Variants in LGI4 observed in about 807,000 individuals in gnomAD.
LGI4 encodes leucine-rich repeat LGI family member 4.
Under a neutral mutation model 48.3 loss-of-function variants are expected in LGI4, and 36 were observed. The observed-to-expected ratio is 0.75, with a 90% CI of 0.57 to 0.98. The LOEUF (loss-of-function observed/expected upper bound fraction) is 0.98. LGI4 is among the 50% of genes least tolerant of loss of function. The pLI is 0.00. For synonymous variants in LGI4, 355 were observed against 331.6 expected (o/e 1.07, Z -0.77); for missense variants, 701 against 732.1 (o/e 0.96, Z 0.49).
intron 3 of LGI4, 69 bp downstream of exon 3, chr19:35,133,624 A>T (rs1214133282): frequency 5.9e-6 from 9 of 1,515,900 alleles, no homozygotes; most frequent in Non-Finnish European, 8.0e-6. Context: ...ATCTCCCCCT[A>T]CTCTGGGAGC....
chr19:35,125,551 C>A lies in LGI4; in HGVS notation c.1300-44G>T, dbSNP rs369702270. On this transcript the variant is annotated intron_variant, in intron 8 of 8. Coordinates refer to ENST00000310123, the MANE Select transcript of LGI4 (RefSeq NM_139284.3). ...TGAGGGCCTGGGGTCCCGGGGGTCT[C>A]TGGGGGCCGTGGAACAGCTTGGAAG... 1.6e-5 allele frequency: 24 copies of A among 1,466,806 alleles called. No homozygotes were observed. The African/African-American group carries it at 3.2e-4, about 20-fold the overall frequency. The allele number at this position is 1,466,806 out of a possible 1,614,324, so 90.9% of individuals were successfully genotyped here. A position where few individuals can be genotyped will look rare whatever the true frequency, so the allele number is the denominator to read the frequency against.
chr19:35,124,718 T>C lies in LGI4; in HGVS notation c.*475A>G, dbSNP rs2065117723. The C allele has an allele frequency of 6.5e-6, 1 of 153,022 alleles. No homozygotes were observed. Among genetic ancestry groups the C allele is most frequent in the South Asian group, 2.1e-4 (1 of 4,844 alleles). The allele number at this position is 153,022 out of a possible 1,614,324, so 9.5% of individuals were successfully genotyped here. On this transcript the variant is annotated 3_prime_UTR_variant, in exon 9 of 9. Transcript: ENST00000310123. ...AGAGGGGAACCCGCCCAGTGCTGAG[T>C]TGTCTTCGAGGTTGGCGCTCCTCCA...
Position 35,126,663 on chromosome 19 carries a change from G to A in LGI4, c.906C>T (p.Arg302=), listed in dbSNP as rs1203591040. The A allele has an allele frequency of 1.3e-6, 2 of 1,535,878 alleles. No individual in the cohort carries two copies. The highest frequency in any genetic ancestry group is 1.2e-5 in the South Asian group (1 of 83,940). ...GGGCCAGGGTCTGCGTTGGGGCCAG[G>A]CGCAGGCCGGGACTGGGCCGGGCCC... ...QLWARPSPGL[R]LAPTQTLAPR... Residue 302 remains arginine, a synonymous_variant, in exon 8 of 9, where the codon CGC becomes CGT. Coordinates refer to ENST00000310123, the MANE Select transcript of LGI4 (RefSeq NM_139284.3).
Position 35,124,925 on chromosome 19 carries a change from C to T in LGI4, c.*268G>A. On this transcript the variant is annotated 3_prime_UTR_variant, in exon 9 of 9. Transcript: ENST00000310123. ...GCACCAGCCTGCACCCCCCAGGTTG[C>T]CTTTGATGGGGAATCTGCCCCAGCC... 2.9e-6 allele frequency: 1 copy of T among 341,638 alleles called. No homozygotes were observed. The allele number at this position is 341,638 out of a possible 1,614,324, so 21.2% of individuals were successfully genotyped here.
intron 8 of LGI4, chr19:35,125,851 T>G: frequency 1.7e-6 from 1 of 578,608 alleles, no homozygotes; most frequent in Non-Finnish European, 3.2e-6. Context: ...CCCAGTCTGT[T>G]CCCCACCCAG....
chr19:35,131,059 G>A (rs554097605), intron 6 of LGI4: 9 of 589,740 alleles, frequency 1.5e-5, no homozygotes, highest in African/African-American at 7.5e-5. Flanking sequence ...AGTTCTTAGC[G>A]CAATACTTGG....
At chr19:35,130,214 A>G (rs2145364942) in intron 6 of LGI4, among the ~76,000 whole-genome samples, 1 of 152,208 alleles carries the variant, frequency 6.6e-6, no homozygotes, top group South Asian at 2.1e-4. Context: ...GCGGGTCCTC[A>G]CTTGCTGAGT....
chr19:35,132,073 C>A (rs886186793), intron 3 of LGI4, 31 bp from the exon 4 acceptor site: 1 of 1,546,868 alleles, frequency 6.5e-7, no homozygotes, highest in Non-Finnish European at 8.8e-7. Flanking sequence ...CAGGGGGAGG[C>A]CCGCTGAGCT....
At chr19:35,133,658 A>C (rs774160167) in intron 3 of LGI4, 35 bp downstream of exon 3, 1 of 1,565,572 alleles carries the variant, frequency 6.4e-7, no homozygotes, top group South Asian at 1.2e-5. Flanking sequence ...CTCCTTGCCC[A>C]GACCCACCTG....
At chr19:35,127,261 T>C (rs1159501025) in intron 6 of LGI4, among the ~76,000 whole-genome samples, 1 of 152,254 alleles carries the variant, frequency 6.6e-6, no homozygotes. Context: ...CATAGCTCAA[T>C]GCAGCCTCCA....
chr19:35,126,823 G>A (rs772583388), intron 7 of LGI4, 30 bp downstream of exon 7: 7 of 1,600,664 alleles, frequency 4.4e-6, no homozygotes, highest in African/African-American at 1.3e-5. Flanking sequence ...CAGGCTGCTG[G>A]ACAGGCAGAA....
chr19:35,126,660 C>T lies in LGI4; in HGVS notation c.909G>A (p.Leu303=). 1 of 1,536,210 alleles carries T rather than the reference C, an allele frequency of 6.5e-7. No individual in the cohort carries two copies. The highest frequency in any genetic ancestry group is 8.7e-7 in the Non-Finnish European group (1 of 1,146,512). The change falls in exon 8 of 9, where the codon CTG becomes CTA. Residue 303 remains leucine, a synonymous_variant. Coordinates refer to ENST00000310123, the MANE Select transcript of LGI4 (RefSeq NM_139284.3). ...GCGGGGCCAGGGTCTGCGTTGGGGC[C>T]AGGCGCAGGCCGGGACTGGGCCGGG... ...LWARPSPGLR[L]APTQTLAPRR...
chr19:35,134,426 C>A, intron 1 of LGI4, 85 bp downstream of exon 1: 1 of 1,397,134 alleles, frequency 7.2e-7, no homozygotes, highest in Non-Finnish European at 9.8e-7. Flanking sequence ...CCCTGTTTCC[C>A]TGGAGACCCG....
intron 3 of LGI4, among the ~76,000 whole-genome samples, chr19:35,132,547 T>G: frequency 6.6e-6 from 1 of 152,022 alleles, no homozygotes; most frequent in East Asian, 1.9e-4. Context: ...TCTGTTACCA[T>G]CATCAACCCC....
At chr19:35,127,677 T>C (rs892101191) in intron 6 of LGI4, among the ~76,000 whole-genome samples, 1 of 152,218 alleles carries the variant, frequency 6.6e-6, no homozygotes, top group East Asian at 1.9e-4. Context: ...TGAGGCACCG[T>C]GCCCGGCCCA....
chr19:35,126,459 C>T lies in LGI4; in HGVS notation c.1110G>A (p.Leu370=). The change falls in exon 8 of 9, where the codon CTG becomes CTA. Residue 370 remains leucine (L), a synonymous_variant. Transcript: ENST00000310123. ...AWHRDTDAEA[L]ELDGRPHLLL... ...GCAGGTGGGGCCGGCCGTCCAGCTC[C>T]AGGGCCTCAGCGTCCGTGTCCCGGT... 1 of 1,583,460 alleles carries T rather than the reference C, an allele frequency of 6.3e-7. No individual in the cohort carries two copies. Among genetic ancestry groups the T allele is most frequent in the Non-Finnish European group, 8.6e-7 (1 of 1,168,146 alleles).
At chr19:35,127,129 T>C (rs1443912176) in intron 6 of LGI4, 112 bp from the exon 7 acceptor site, 14 of 1,066,284 alleles carry the variant, frequency 1.3e-5, no homozygotes, top group Admixed American at 5.4e-5. Flanking sequence ...ACCCCCCTCA[T>C]AGGGACATAT....
rs766386355 is a variant in LGI4, at chr19:35,126,441, G to C, written c.1128C>G (p.Pro376=). The change falls in exon 8 of 9, where the codon CCC becomes CCG. Residue 376 remains proline (P), a synonymous_variant. Transcript: ENST00000310123. ...DAEALELDGR[P]HLLLASASQR... Reference sequence around the variant, plus strand: ...GGGAAGCCGAGGCCAGCAGCAGGTGGGGCCGGCCGTCCAGCTCCAGGGCCT... The same window carrying C: ...GGGAAGCCGAGGCCAGCAGCAGGTGCGGCCGGCCGTCCAGCTCCAGGGCCT... 5 of 1,595,508 alleles carry C rather than the reference G, an allele frequency of 3.1e-6. No homozygotes were observed. In the East Asian group the frequency reaches 9.0e-5, roughly 29 times the overall value.
Position 35,134,752 on chromosome 19 carries a change from C to T in LGI4, c.-72G>A, listed in dbSNP as rs558927060. On this transcript the variant is annotated 5_prime_UTR_variant, in exon 1 of 9. Coordinates refer to ENST00000310123, the MANE Select transcript of LGI4 (RefSeq NM_139284.3). ...CTCAGCCCAGGCCACTACGTCTCCT[C>T]CTCCACCAGGCCGCCCTCCATCCGC... 3.9e-4 allele frequency: 308 copies of T among 797,464 alleles called. No homozygotes were observed. The African/African-American group carries it at 5.2e-3, about 13-fold the overall frequency. The allele number at this position is 797,464 out of a possible 1,614,324, so 49.4% of individuals were successfully genotyped here. A position where few individuals can be genotyped will look rare whatever the true frequency, so the allele number is the denominator to read the frequency against.
Sources: gnomAD v4.1 joint callset for allele counts (sites outside exome capture counted in the v4.1 genomes callset) on GRCh38, gnomAD v4.1.1 for gene constraint, MANE v1.5 for transcripts, NCBI Gene and HGNC (gene_info 2026-07-23, HGNC 2026-07-21) for gene names.